The following LRRC37A2 variants were observed in gnomAD, a reference collection of about 807,000 sequenced individuals.
LRRC37A2 encodes the protein leucine-rich repeat-containing protein 37A2.
In LRRC37A2, 9 loss-of-function variants were observed where a neutral mutation model predicts 68.8. The ratio of observed to expected loss-of-function variants is 0.13; its 90% confidence interval spans 0.08 to 0.23. LRRC37A2 has a LOEUF of 0.23. LRRC37A2 is among the 10% of genes least tolerant of loss of function. LRRC37A2 has a pLI of 1.00. For missense variants in LRRC37A2, 168 were observed against 950.4 expected, an observed-to-expected ratio of 0.18 and a Z score of 10.82; for synonymous variants, 63 against 367.6, an observed-to-expected ratio of 0.17 and a Z score of 9.48.
At chr17:46,978,946 G>T in the LRRC37A2 span, 1 of 1,455,304 alleles carries the variant, frequency 6.9e-7, no homozygotes, top group Non-Finnish European at 9.0e-7. Flanking sequence ...GGCGGCCCCG[G>T]CGCCGCCGCC....
At chr17:46,878,728 C>T in the LRRC37A2 span, among the ~76,000 whole-genome samples, 5 of 152,170 alleles carry the variant, frequency 3.3e-5, no homozygotes, top group African/African-American at 9.7e-5. Context: ...CTGGGAGCAA[C>T]GTGGAGGCCA....
chr17:46,974,007 C>A, the LRRC37A2 span, among the ~76,000 whole-genome samples: 1 of 152,210 alleles, frequency 6.6e-6, no homozygotes, highest in Non-Finnish European at 1.5e-5. Flanking sequence ...CCGTGCACCC[C>A]TCTATGTGAA....
chr17:46,842,132 T>C, the LRRC37A2 span, among the ~76,000 whole-genome samples: 2 of 152,160 alleles, frequency 1.3e-5, no homozygotes, highest in Non-Finnish European at 2.9e-5. Flanking sequence ...CACTCTATGC[T>C]CTGGGATTAA....
chr17:46,659,288 AG>A, the LRRC37A2 span, among the ~76,000 whole-genome samples: 1 of 45,590 alleles, frequency 2.2e-5, no homozygotes, highest in East Asian at 7.8e-4. Flanking sequence ...CACATATGTC[AG>A]TGGTTATAAT....
At chr17:46,428,925 C>CAAAAAA in the LRRC37A2 span, among the ~76,000 whole-genome samples, 185 of 6,890 alleles carry the variant, frequency 0.027, 52 homozygotes, top group Non-Finnish European at 0.03. Flanking sequence ...GACTCCATCT[C>CAAAAAA]AAAAAAAAAA....
the LRRC37A2 span, among the ~76,000 whole-genome samples, chr17:46,777,887 C>T: frequency 6.6e-6 from 1 of 152,216 alleles, no homozygotes; most frequent in Non-Finnish European, 1.5e-5. Flanking sequence ...CCTCTTTCCA[C>T]CAAACCCTGT....
the LRRC37A2 span, among the ~76,000 whole-genome samples, chr17:46,861,921 T>A: frequency 6.6e-6 from 1 of 152,176 alleles, no homozygotes; most frequent in Admixed American, 6.5e-5. Context: ...CCCAGCACTT[T>A]GGGAGGCTGA....
the LRRC37A2 span, chr17:46,964,766 A>C: frequency 6.6e-6 from 1 of 152,234 alleles, no homozygotes; most frequent in African/African-American, 2.4e-5. Context: ...TCCATGACTT[A>C]TTAGTGGCAC....
At chr17:46,753,317 C>A in the LRRC37A2 span, among the ~76,000 whole-genome samples, 1 of 152,190 alleles carries the variant, frequency 6.6e-6, no homozygotes, top group Non-Finnish European at 1.5e-5. Flanking sequence ...GGACCAATAA[C>A]AAATTGGAAA....
the LRRC37A2 span, among the ~76,000 whole-genome samples, chr17:46,895,028 G>T: frequency 6.6e-6 from 1 of 152,206 alleles, no homozygotes. Flanking sequence ...CCGGATCTCG[G>T]CAGAGCAGAC....
At chr17:46,980,666 C>CAAAAA in the LRRC37A2 span, among the ~76,000 whole-genome samples, 6 of 83,884 alleles carry the variant, frequency 7.2e-5, no homozygotes, top group East Asian at 5.0e-4. Flanking sequence ...ACTAAAAATA[C>CAAAAA]AAAAAAAAAA....
At chr17:46,551,302 C>G (rs558839681) in intron 11 of LRRC37A2, among the ~76,000 whole-genome samples, 1 of 150,206 alleles carries the variant, frequency 6.7e-6, no homozygotes, top group South Asian at 2.1e-4. Flanking sequence ...TGATGTATTA[C>G]TTTTCCCAAC....
chr17:46,932,249 G>C, the LRRC37A2 span: 1 of 1,609,888 alleles, frequency 6.2e-7, no homozygotes, highest in Non-Finnish European at 8.5e-7. Flanking sequence ...AGATCGTGGG[G>C]GCTGGAGTTC....
chr17:46,773,653 GC>G, the LRRC37A2 span: 3 of 573,266 alleles, frequency 5.2e-6, no homozygotes, highest in East Asian at 2.3e-4. Context: ...CCCCCCCTCA[GC>G]CCCAAGGCAG....
At chr17:46,959,405 A>G in the LRRC37A2 span, among the ~76,000 whole-genome samples, 1 of 152,156 alleles carries the variant, frequency 6.6e-6, no homozygotes, top group Non-Finnish European at 1.5e-5. Flanking sequence ...GCCATTGGCT[A>G]TTTTTCAGAT....
At chr17:46,815,272 C>G in the LRRC37A2 span, among the ~76,000 whole-genome samples, 1 of 152,158 alleles carries the variant, frequency 6.6e-6, no homozygotes, top group African/African-American at 2.4e-5. Flanking sequence ...TGTTTCCTGT[C>G]CCGGCTCTGT....
chr17:46,757,717 T>C, the LRRC37A2 span, among the ~76,000 whole-genome samples: 2 of 147,562 alleles, frequency 1.4e-5, no homozygotes, highest in East Asian at 2.1e-4. Context: ...AAAAAAAAAA[T>C]GCCTGGCACG....
At chr17:46,851,437 C>T in the LRRC37A2 span, 1 of 307,364 alleles carries the variant, frequency 3.3e-6, no homozygotes, top group Admixed American at 5.1e-5. The surrounding 1 kb of genome is among the most constrained non-coding windows in gnomAD (Gnocchi z 4.3). Flanking sequence ...GCTGCCCCAC[C>T]CGCGACGGGG....
the LRRC37A2 span, among the ~76,000 whole-genome samples, chr17:46,851,093 G>T: frequency 3.3e-5 from 5 of 152,184 alleles, no homozygotes; most frequent in East Asian, 7.7e-4. The surrounding 1 kb of genome is among the most constrained non-coding windows in gnomAD (Gnocchi z 4.3). Context: ...CCAGGACCCG[G>T]CCCTGCCCTG....
Sources: gnomAD v4.1 joint callset for allele counts (sites outside exome capture counted in the v4.1 genomes callset) on GRCh38, gnomAD v4.1.1 for gene constraint, Gnocchi (gnomAD v3.1) non-coding constraint, MANE v1.5 for transcripts, NCBI Gene and HGNC (gene_info 2026-07-23, HGNC 2026-07-21) for gene names.